Variants in SNX29 observed in about 807,000 individuals in gnomAD.
SNX29 encodes the protein sorting nexin-29.
SNX29 carries 78 observed loss-of-function variants against 102.1 expected under a neutral mutation model. The observed-to-expected ratio is 0.76, with a 90% CI of 0.64 to 0.92. SNX29 has a LOEUF of 0.92. Among genes scored for constraint, SNX29 ranks in the 40% least tolerant of loss-of-function variants. The pLI is 0.00. For synonymous variants in SNX29, 580 were observed against 414.5 expected (o/e 1.40, Z -4.85); for missense variants, 1,280 against 1,061.7 (o/e 1.21, Z -2.86).
chr16:12,505,778 A>AAAAAG (rs1480329631), intron 19 of SNX29, among the ~76,000 whole-genome samples: 1 of 151,194 alleles, frequency 6.6e-6, no homozygotes, highest in Admixed American at 6.6e-5. Flanking sequence ...AAAAAAAAAA[A>AAAAAG]AAAAAGGCAA....
At chr16:12,401,498 G>A (rs2083941719) in intron 17 of SNX29, among the ~76,000 whole-genome samples, 1 of 151,342 alleles carries the variant, frequency 6.6e-6, no homozygotes, top group Non-Finnish European at 1.5e-5. Flanking sequence ...CAAGTAGCTG[G>A]GACTACAGGC....
chr16:12,020,994 A>G (rs748788141), intron 3 of SNX29, among the ~76,000 whole-genome samples: 12 of 152,316 alleles, frequency 7.9e-5, no homozygotes, highest in Non-Finnish European at 1.5e-4. Flanking sequence ...GATATGGCTC[A>G]TACTGTTGAT....
intron 13 of SNX29, among the ~76,000 whole-genome samples, chr16:12,131,175 G>A (rs556289183): frequency 1.3e-5 from 2 of 152,266 alleles, no homozygotes; most frequent in African/African-American, 4.8e-5. Flanking sequence ...TCCAACTTCT[G>A]GGTCTCTGAT....
At chr16:12,534,691 C>A (rs1467540163) in intron 20 of SNX29, among the ~76,000 whole-genome samples, 1 of 152,226 alleles carries the variant, frequency 6.6e-6, no homozygotes, top group Non-Finnish European at 1.5e-5. Context: ...TTTGATTCTG[C>A]TTTTCTTGGC....
chr16:12,085,704 G>T (rs1393744485), intron 11 of SNX29, among the ~76,000 whole-genome samples: 1 of 152,136 alleles, frequency 6.6e-6, no homozygotes, highest in African/African-American at 2.4e-5. Context: ...CAAAATAGAA[G>T]CTAGTAAAAG....
chr16:12,421,444 C>T (rs991508115), intron 18 of SNX29, among the ~76,000 whole-genome samples: 2 of 152,196 alleles, frequency 1.3e-5, no homozygotes, highest in African/African-American at 2.4e-5. Context: ...ACTTAAAAGC[C>T]AGCTGTGTTG....
At chr16:12,497,826 C>G (rs1033182337) in intron 19 of SNX29, among the ~76,000 whole-genome samples, 2 of 152,178 alleles carry the variant, frequency 1.3e-5, no homozygotes, top group African/African-American at 4.8e-5. Context: ...AGTCTCAGCA[C>G]TGATGCTCTG....
At chr16:12,094,991 G>A (rs989584310) in intron 11 of SNX29, 3 of 152,168 alleles carry the variant, frequency 2.0e-5, no homozygotes, top group Non-Finnish European at 4.4e-5. Context: ...GTGTGTGTAT[G>A]TTTGGGAGCT....
In SNX29 at chr16:12,573,087, A is replaced by G. The variant is rs937029375; in HGVS notation, c.*4458A>G. The G allele has an allele frequency of 3.5e-5, 8 of 230,690 alleles. No homozygotes were observed. The highest frequency in any genetic ancestry group is 6.0e-5 in the Non-Finnish European group (7 of 117,056). The allele number at this position is 230,690 out of a possible 1,614,324, so 14.3% of individuals were successfully genotyped here. A position where few individuals can be genotyped will look rare whatever the true frequency, so the allele number is the denominator to read the frequency against. ...TATTTTATCTCATTTCTGTGCCAAG[A>G]AAGTTCATCTTTATGTTTTTCTAAT... On this transcript the variant is annotated 3_prime_UTR_variant, in exon 21 of 21. Coordinates refer to ENST00000566228, the MANE Select transcript of SNX29 (RefSeq NM_032167.5).
chr16:12,201,957 A>G (rs773453309), intron 14 of SNX29, among the ~76,000 whole-genome samples: 1 of 152,178 alleles, frequency 6.6e-6, no homozygotes, highest in Non-Finnish European at 1.5e-5. Flanking sequence ...TACAGTGTAC[A>G]GAATGGTTTT....
chr16:12,290,319 C>T lies in SNX29; in HGVS notation c.1782+12283C>T, dbSNP rs546353091. ...CTTCACACAGGCAGGTGTAAGGTCCCACCTGGAACCCTGTTCTTTTTTTAT... is the reference window on the plus strand; with the variant it reads ...CTTCACACAGGCAGGTGTAAGGTCCTACCTGGAACCCTGTTCTTTTTTTAT... On this transcript the variant is annotated intron_variant, in intron 15 of 20. Coordinates refer to ENST00000566228, the MANE Select transcript of SNX29 (RefSeq NM_032167.5). Among the ~76,000 whole-genome samples the T allele has an allele frequency of 2.6e-5, 4 of 152,240 alleles. No homozygotes were observed. In the South Asian group the frequency reaches 8.3e-4, roughly 32 times the overall value.
intron 14 of SNX29, among the ~76,000 whole-genome samples, chr16:12,201,517 G>A (rs1342473309): frequency 1.3e-5 from 2 of 152,200 alleles, no homozygotes; most frequent in Non-Finnish European, 2.9e-5. Flanking sequence ...ATATGTGTCT[G>A]TGGTGGAAAT....
intron 11 of SNX29, among the ~76,000 whole-genome samples, chr16:12,117,535 G>C (rs2053784340): frequency 6.6e-6 from 1 of 152,238 alleles, no homozygotes; most frequent in Non-Finnish European, 1.5e-5. Context: ...GACCACATAA[G>C]AGATGATTCC....
chr16:12,492,239 GT>G (rs1321609182), intron 19 of SNX29, among the ~76,000 whole-genome samples: 1 of 152,174 alleles, frequency 6.6e-6, no homozygotes, highest in African/African-American at 2.4e-5. Context: ...GTGTGAGATG[GT>G]ATCTCATTGT....
At chr16:12,547,581 G>A (rs138613534) in intron 20 of SNX29, among the ~76,000 whole-genome samples, 3 of 152,130 alleles carry the variant, frequency 2.0e-5, no homozygotes, top group South Asian at 4.1e-4. Context: ...CCCTCACGAG[G>A]ATTAAATACA....
In SNX29 at chr16:12,129,751, C is replaced by T. The variant is rs778514980; in HGVS notation, c.1588C>T (p.Leu530=). The change falls in exon 13 of 21, where the codon CTG becomes TTG. Residue 530 remains leucine (L), a synonymous_variant. Transcript: ENST00000566228. ...EERQGMKVQA[L]ARENEVLKVQ... is the part of the protein sequence containing the mutation. Reference sequence around the variant, plus strand: ...GCGGCAGGGCATGAAGGTCCAGGCGCTGGCCAGGTAGGAGAGGGTGAGGGA... The same window carrying T: ...GCGGCAGGGCATGAAGGTCCAGGCGTTGGCCAGGTAGGAGAGGGTGAGGGA... 2 of 1,606,926 alleles carry T rather than the reference C, an allele frequency of 1.2e-6. No individual in the cohort carries two copies. Among genetic ancestry groups the T allele is most frequent in the East Asian group, 4.5e-5 (2 of 44,708 alleles).
At chr16:11,985,355 A>T (rs1054457493) in intron 1 of SNX29, among the ~76,000 whole-genome samples, 2 of 152,200 alleles carry the variant, frequency 1.3e-5, no homozygotes, top group Non-Finnish European at 2.9e-5. Flanking sequence ...TGTGTTAGCC[A>T]GGGCTCTTTT....
At chr16:12,066,996 TAA>T (rs1280759162) in intron 9 of SNX29, among the ~76,000 whole-genome samples, 1 of 142,498 alleles carries the variant, frequency 7.0e-6, no homozygotes, top group Non-Finnish European at 1.5e-5. Context: ...AATAAATAAA[TAA>T]ATAAATAAAT....
At position 12,568,662 on chromosome 16, in the gene SNX29, G is replaced by T. The variant is rs201330488; in HGVS notation, c.*33G>T. The T allele has an allele frequency of 1.3e-6, 2 of 1,595,986 alleles. No individual in the cohort carries two copies. The highest frequency in any genetic ancestry group is 1.3e-5 in the African/African-American group (1 of 74,634). On this transcript the variant is annotated 3_prime_UTR_variant, in exon 21 of 21. Transcript: ENST00000566228. ...AAAACCGCAGCCACGGGCCCTGTGC[G>T]TGGCACCAGCTGCGTCCACCCCAGC...
Sources: allele counts gnomAD v4.1 joint callset (sites outside exome capture counted in the v4.1 genomes callset), GRCh38; gene constraint gnomAD v4.1.1; transcripts MANE v1.5; gene names NCBI Gene and HGNC (gene_info 2026-07-23, HGNC 2026-07-21).